Variants in CSMD1 observed in about 807,000 individuals in gnomAD.
The protein encoded by CSMD1 is CUB and Sushi multiple domains 1.
In CSMD1, 213 loss-of-function variants were observed where a neutral mutation model predicts 417.5. The ratio of observed to expected loss-of-function variants is 0.51; its 90% CI spans 0.46 to 0.57. CSMD1 has a LOEUF of 0.57. Ranked by LOEUF, CSMD1 falls within the 20% of genes least tolerant of loss-of-function variation. The pLI, the probability that CSMD1 is intolerant of heterozygous loss-of-function variation, is 0.00. For synonymous variants in CSMD1, 2,862 were observed against 1,736.8 expected, an observed-to-expected ratio of 1.65 and a Z score of -16.11; for missense variants, 6,923 against 4,529.7, an observed-to-expected ratio of 1.53 and a Z score of -15.17.
intron 2 of CSMD1, among the ~76,000 whole-genome samples, chr8:4,429,814 C>A (rs1251426856): frequency 6.6e-6 from 1 of 152,076 alleles, no homozygotes; most frequent in Admixed American, 6.5e-5. Context: ...CCCATCATAC[C>A]CAGGATCTCA....
In CSMD1 at chr8:3,369,234, G is replaced by C. The variant is rs765367249; in HGVS notation, c.2899+20C>G. On this transcript the variant is annotated intron_variant, in intron 19 of 69. Coordinates refer to ENST00000635120, the MANE Select transcript of CSMD1 (RefSeq NM_033225.6). ...CTCATTTATTAGTCTGTATGTTTGA[G>C]ACCTATGATAGATTCTTACCTTTCC... 44 of 1,169,040 alleles carry C rather than the reference G, an allele frequency of 3.8e-5. No individual in the cohort carries two copies. In the South Asian group the frequency reaches 5.0e-4, roughly 13 times the overall value. 72.4% of individuals were successfully genotyped at this position (1,169,040 alleles called of 1,614,324 possible).
At chr8:4,656,814 G>C (rs367827393) in intron 1 of CSMD1, among the ~76,000 whole-genome samples, 1 of 152,030 alleles carries the variant, frequency 6.6e-6, no homozygotes, top group Non-Finnish European at 1.5e-5. Context: ...CGGTGTAAAG[G>C]AGAACCCTTC....
intron 2 of CSMD1, among the ~76,000 whole-genome samples, chr8:4,426,886 T>C (rs1262752927): frequency 6.6e-6 from 1 of 151,842 alleles, no homozygotes; most frequent in African/African-American, 2.4e-5. Context: ...GGGGTATTAG[T>C]ATCAGATGTC....
At chr8:4,386,680 T>G (rs1173484474) in intron 3 of CSMD1, among the ~76,000 whole-genome samples, 1 of 152,222 alleles carries the variant, frequency 6.6e-6, no homozygotes, top group East Asian at 1.9e-4. Context: ...GATGAGCCCT[T>G]GCAGAATGTA....
chr8:3,919,466 G>T (rs571506676), intron 5 of CSMD1, among the ~76,000 whole-genome samples: 1 of 151,818 alleles, frequency 6.6e-6, no homozygotes, highest in African/African-American at 2.4e-5. Context: ...TCACTTTCTG[G>T]CTTTCTATTC....
At chr8:3,894,046 C>A (rs1807177237) in intron 5 of CSMD1, among the ~76,000 whole-genome samples, 1 of 152,088 alleles carries the variant, frequency 6.6e-6, no homozygotes. Flanking sequence ...TAGTGCTGGT[C>A]ATTGCTGCCA....
intron 5 of CSMD1, among the ~76,000 whole-genome samples, chr8:3,983,030 ATG>A (rs1389050422): frequency 6.6e-6 from 1 of 151,924 alleles, no homozygotes; most frequent in Non-Finnish European, 1.5e-5. Flanking sequence ...GGGATAAATC[ATG>A]GGGCCGGGAT....
intron 25 of CSMD1, among the ~76,000 whole-genome samples, chr8:3,303,680 T>C (rs1433494932): frequency 6.6e-6 from 1 of 152,230 alleles, no homozygotes; most frequent in African/African-American, 2.4e-5. Context: ...ACATAGCCTT[T>C]AATGTTGCTA....
At chr8:3,394,781 T>C (rs966251354) in intron 17 of CSMD1, among the ~76,000 whole-genome samples, 1 of 152,190 alleles carries the variant, frequency 6.6e-6, no homozygotes, top group African/African-American at 2.4e-5. Context: ...TAAAATTTCC[T>C]GGTTCTTAAA....
chr8:4,830,595 C>T (rs1046828881), intron 1 of CSMD1, among the ~76,000 whole-genome samples: 2 of 152,212 alleles, frequency 1.3e-5, no homozygotes, highest in Non-Finnish European at 2.9e-5. Flanking sequence ...ATGACAAACA[C>T]ATAGATACAT....
chr8:4,893,830 C>T (rs377275720), intron 1 of CSMD1, among the ~76,000 whole-genome samples: 9 of 152,184 alleles, frequency 5.9e-5, no homozygotes, highest in South Asian at 2.1e-4. Context: ...ATATCTGGAA[C>T]GGTGAGTAGC....
intron 3 of CSMD1, among the ~76,000 whole-genome samples, chr8:4,187,610 A>C (rs1798760430): frequency 7.5e-6 from 1 of 133,694 alleles, no homozygotes; most frequent in African/African-American, 2.8e-5. Flanking sequence ...CAGGATGTGG[A>C]GGTTGCAGTG....
intron 3 of CSMD1, among the ~76,000 whole-genome samples, chr8:4,080,606 C>T (rs1185196500): frequency 6.6e-6 from 1 of 152,110 alleles, no homozygotes; most frequent in Non-Finnish European, 1.5e-5. Context: ...TTTTATATTC[C>T]TTTCTGGAGT....
At chr8:3,385,876 T>G (rs13254344) in intron 18 of CSMD1, among the ~76,000 whole-genome samples, 1 of 151,594 alleles carries the variant, frequency 6.6e-6, no homozygotes, top group African/African-American at 2.4e-5. Flanking sequence ...GGGCTGGGTA[T>G]GCATAGTCCA....
chr8:2,988,579 A>G (rs769214564), intron 54 of CSMD1, among the ~76,000 whole-genome samples: 2 of 152,208 alleles, frequency 1.3e-5, no homozygotes, highest in Non-Finnish European at 2.9e-5. Context: ...GGAGAGTAGG[A>G]AAATGTGATT....
chr8:4,462,362 A>G (rs998043720), intron 2 of CSMD1, among the ~76,000 whole-genome samples: 3 of 152,180 alleles, frequency 2.0e-5, no homozygotes, highest in Admixed American at 6.5e-5. Flanking sequence ...AATAAATGGA[A>G]AAATATTTCA....
chr8:3,212,746 T>G (rs1425864449), intron 30 of CSMD1, among the ~76,000 whole-genome samples: 2 of 152,194 alleles, frequency 1.3e-5, no homozygotes, highest in Non-Finnish European at 2.9e-5. Context: ...AGAATGGACT[T>G]AGAAACATAG....
intron 3 of CSMD1, among the ~76,000 whole-genome samples, chr8:4,185,947 A>C (rs1319106334): frequency 6.6e-6 from 1 of 152,142 alleles, no homozygotes; most frequent in African/African-American, 2.4e-5. Flanking sequence ...CTTTCAGCTT[A>C]AGGTCTACGG....
chr8:3,114,064 A>T (rs1563057695), intron 42 of CSMD1, among the ~76,000 whole-genome samples: 1 of 151,844 alleles, frequency 6.6e-6, no homozygotes, highest in Non-Finnish European at 1.5e-5. Context: ...AAAACAAACA[A>T]ACAAACAAAC....
Sources: gnomAD v4.1 joint callset for allele counts (sites outside exome capture counted in the v4.1 genomes callset) on GRCh38, gnomAD v4.1.1 for gene constraint, MANE v1.5 for transcripts, NCBI Gene and HGNC (gene_info 2026-07-23, HGNC 2026-07-21) for gene names.